Variants in GRIN1 observed in about 807,000 individuals in gnomAD.
The protein encoded by GRIN1 is glutamate ionotropic receptor NMDA type subunit 1.
Under a neutral mutation model 103.0 loss-of-function variants are expected in GRIN1, and 38 were observed. That is an observed-to-expected ratio of 0.37 (90% CI 0.28 to 0.48). GRIN1 has a LOEUF of 0.48. Among genes scored for constraint, GRIN1 ranks in the 20% least tolerant of loss-of-function variants. The probability of loss-of-function intolerance (pLI) is 0.98; values close to 1 mark genes in which losing one functional copy is unlikely to be tolerated. For synonymous variants in GRIN1, 544 were observed against 532.7 expected, an observed-to-expected ratio of 1.02 and a Z score of -0.29; for missense variants, 577 against 1,288.9, an observed-to-expected ratio of 0.45 and a Z score of 8.46.
intron 4 of GRIN1, among the ~76,000 whole-genome samples, chr9:137,150,776 GCC>G (rs1832814859): frequency 1.5e-5 from 2 of 130,420 alleles, no homozygotes; most frequent in Non-Finnish European, 3.2e-5. Context: ...CCCAAGGAAA[GCC>G]CTGCCCAGAA....
At position 137,141,738 on chromosome 9, in the gene GRIN1, C is replaced by T. The variant is rs1188252737; in HGVS notation, c.259-275C>T. ...CCCGTGCTCCAGGCCCCCAGGACAT[C>T]CCAAGGGCAGTCCTTCACCTGGCCC... On this transcript the variant is annotated intron_variant, in intron 1 of 19. Coordinates refer to ENST00000371561, the MANE Select transcript of GRIN1 (RefSeq NM_007327.4). 2.0e-5 allele frequency among the ~76,000 whole-genome samples: 3 copies of T among 152,180 alleles called. No homozygotes were observed. In the East Asian group the frequency reaches 5.8e-4, roughly 29 times the overall value.
chr9:137,165,207 G>A lies in GRIN1; in HGVS notation c.2611G>A (p.Glu871Lys). The A allele has an allele frequency of 6.2e-7, 1 of 1,610,948 alleles. No homozygotes were observed. The highest frequency in any genetic ancestry group is 8.5e-7 in the Non-Finnish European group (1 of 1,178,022). The change falls in exon 19 of 20, where the codon GAG (glutamate) becomes AAG (lysine). Residue 871 changes from glutamate to lysine, a missense_variant. Physicochemically the swap from Glu to Lys is moderately conservative, Grantham distance 56. Transcript: ENST00000371561. ...TTAGGATAGAAAGAGTGGTAGAGCA[G>A]AGCCTGACCCTAAAAAGAAAGCCAC... is the stretch of plus-strand genomic sequence containing the variant. ...NLQDRKSGRA[E>K]PDPKKKATFR...
chr9:137,165,635 G>C (rs1833832682), intron 19 of GRIN1, among the ~76,000 whole-genome samples: 1 of 152,152 alleles, frequency 6.6e-6, no homozygotes, highest in Non-Finnish European at 1.5e-5. Flanking sequence ...GGGGCCCTGG[G>C]AGCCCAGCGT....
At chr9:137,143,168 TC>T (rs1033793226) in intron 2 of GRIN1, among the ~76,000 whole-genome samples, 14 of 152,154 alleles carry the variant, frequency 9.2e-5, no homozygotes, top group African/African-American at 3.4e-4. Context: ...GGCTTCTGGG[TC>T]CCCCACCTTC....
chr9:137,167,261 C>T (rs1368077322), intron 19 of GRIN1, 150 bp from the exon 20 acceptor site: 14 of 664,388 alleles, frequency 2.1e-5, no homozygotes, highest in Non-Finnish European at 3.5e-5. Flanking sequence ...TGGGGGGCTC[C>T]TTTGGGTAGG....
chr9:137,160,555 G>A (rs1300913059), intron 8 of GRIN1, among the ~76,000 whole-genome samples: 1 of 152,114 alleles, frequency 6.6e-6, no homozygotes, highest in Non-Finnish European at 1.5e-5. Flanking sequence ...TCAGCCTCCT[G>A]AGTAGCTGGG....
Position 137,167,477 on chromosome 9 carries a change from G to A in GRIN1, c.2767G>A (p.Glu923Lys). ...KDTVLPRRAI[E>K]REEGQLQLCS... ...CACAGTGCTGCCGCGACGCGCTATT[G>A]AGAGGGAGGAGGGCCAGCTGCAGCT... Residue 923 changes from glutamate (E) to lysine (K), a missense_variant, in exon 20 of 20, where the codon GAG becomes AAG. Physicochemically the swap from Glu to Lys is moderately conservative, Grantham distance 56. Transcript: ENST00000371561. 1 of 1,559,986 alleles carries A rather than the reference G, an allele frequency of 6.4e-7. No homozygotes were observed. Among genetic ancestry groups the A allele is most frequent in the Non-Finnish European group, 8.7e-7 (1 of 1,152,030 alleles).
chr9:137,141,325 G>A (rs111544359), intron 1 of GRIN1, among the ~76,000 whole-genome samples: 12 of 152,256 alleles, frequency 7.9e-5, no homozygotes, highest in African/African-American at 2.9e-4. Context: ...GAGAGAGGGA[G>A]GCATCAGCTC....
chr9:137,150,426 G>C (rs1347486311), intron 4 of GRIN1, among the ~76,000 whole-genome samples: 1 of 147,018 alleles, frequency 6.8e-6, no homozygotes, highest in East Asian at 2.0e-4. Flanking sequence ...GCCCCACCCA[G>C]GGAAAGCTCC....
rs1833968207 is a variant in GRIN1, at chr9:137,167,970, G to A, written c.*443G>A. 9 of 830,902 alleles carry A rather than the reference G, an allele frequency of 1.1e-5. No individual in the cohort carries two copies. Among genetic ancestry groups the A allele is most frequent in the East Asian group, 2.7e-5 (1 of 37,560 alleles). The allele number at this position is 830,902 out of a possible 1,614,324, so 51.5% of individuals were successfully genotyped here. A position where few individuals can be genotyped will look rare whatever the true frequency, so the allele number is the denominator to read the frequency against. On this transcript the variant is annotated 3_prime_UTR_variant, in exon 20 of 20. Coordinates refer to ENST00000371561, the MANE Select transcript of GRIN1 (RefSeq NM_007327.4). ...CCCACCCTGGGCCTCCCGTCCGTCCGCCCGCCCACCCCGCTGCCTGGCGGG... is the reference window on the plus strand; with the variant it reads ...CCCACCCTGGGCCTCCCGTCCGTCCACCCGCCCACCCCGCTGCCTGGCGGG...
At chr9:137,154,432 CTTTTTTTTTTTTTTTTTT>C (rs543160973) in intron 4 of GRIN1, among the ~76,000 whole-genome samples, 13 of 42,960 alleles carry the variant, frequency 3.0e-4, no homozygotes, top group East Asian at 1.0e-3. Flanking sequence ...GCTCCAACAA[CTTTTTTTTTTTTTTTTTT>C]TTTTTTTTTT....
intron 4 of GRIN1, among the ~76,000 whole-genome samples, chr9:137,149,597 GA>G: frequency 6.6e-6 from 1 of 152,372 alleles, no homozygotes; most frequent in African/African-American, 2.4e-5. Flanking sequence ...AGGTACCCGG[GA>G]AATCAAGCTG....
At chr9:137,155,586 T>C (rs1051673367) in intron 4 of GRIN1, among the ~76,000 whole-genome samples, 17 of 142,648 alleles carry the variant, frequency 1.2e-4, no homozygotes, top group African/African-American at 3.2e-4. Flanking sequence ...CTGCTGCCCA[T>C]GTCTGGAGAA....
intron 4 of GRIN1, among the ~76,000 whole-genome samples, chr9:137,150,586 C>G (rs529252446): frequency 2.0e-4 from 29 of 147,660 alleles, no homozygotes; most frequent in African/African-American, 6.9e-4. Context: ...GAAAGCCCCA[C>G]CCAGGGAAAG....
intron 4 of GRIN1, 55 bp from the exon 5 acceptor site, chr9:137,156,614 A>G (rs375499913): frequency 4.4e-6 from 7 of 1,578,650 alleles, no homozygotes; most frequent in East Asian, 2.3e-5. Context: ...GGGCCTGCGG[A>G]GCGCCGCGGT....
intron 19 of GRIN1, 151 bp downstream of exon 19, chr9:137,165,447 A>G: frequency 4.4e-6 from 3 of 683,670 alleles, no homozygotes; most frequent in East Asian, 2.7e-5. Flanking sequence ...CAGCCCGCCC[A>G]TGCTGCTCTC....
intron 19 of GRIN1, among the ~76,000 whole-genome samples, chr9:137,165,858 C>T (rs1041443388): frequency 9.2e-5 from 14 of 152,240 alleles, no homozygotes; most frequent in Non-Finnish European, 1.3e-4. Context: ...CAGAGCCATG[C>T]GTGTTGCATC....
chr9:137,158,539 G>A lies in GRIN1; in HGVS notation c.1113+16G>A, dbSNP rs1288856303. On this transcript the variant is annotated intron_variant, in intron 7 of 19. Transcript: ENST00000371561. The stretch of plus-strand genomic sequence containing the variant: ...TGGCACCCACGTAGGTGGGGGTCAT[G>A]AGGGGGTGGGGGCTGGGGCCTTAGG... 6.2e-7 allele frequency: 1 copy of A among 1,611,704 alleles called. No homozygotes were observed.
chr9:137,160,137 G>A (rs568588774), intron 8 of GRIN1, among the ~76,000 whole-genome samples: 2 of 152,350 alleles, frequency 1.3e-5, no homozygotes, highest in African/African-American at 2.4e-5. Context: ...AAGAGGCCAC[G>A]GCGCGGTGGA....
Sources: allele counts gnomAD v4.1 joint callset (sites outside exome capture counted in the v4.1 genomes callset), GRCh38; gene constraint gnomAD v4.1.1; transcripts MANE v1.5; gene names NCBI Gene and HGNC (gene_info 2026-07-23, HGNC 2026-07-21).